LRRC37A2: variants seen among roughly 807,000 people sequenced by gnomAD.
The protein encoded by LRRC37A2 is leucine-rich repeat-containing protein 37A2.
In LRRC37A2, 9 loss-of-function variants were observed where a neutral mutation model predicts 68.8. The observed-to-expected ratio is 0.13, with a 90% CI of 0.08 to 0.23. LRRC37A2 has a LOEUF of 0.23. Among genes scored for constraint, LRRC37A2 ranks in the 10% least tolerant of loss-of-function variants. LRRC37A2 has a pLI of 1.00. For missense variants in LRRC37A2, 168 were observed against 950.4 expected, an observed-to-expected ratio of 0.18 and a Z score of 10.82; for synonymous variants, 63 against 367.6, an observed-to-expected ratio of 0.17 and a Z score of 9.48.
the LRRC37A2 span, chr17:46,833,008 A>C: frequency 3.7e-6 from 1 of 273,056 alleles, no homozygotes; most frequent in Non-Finnish European, 7.2e-6. Flanking sequence ...AGGCCCCTTT[A>C]GGCTGTGCCT....
chr17:46,775,517 G>T, the LRRC37A2 span, among the ~76,000 whole-genome samples: 1 of 151,742 alleles, frequency 6.6e-6, no homozygotes, highest in Non-Finnish European at 1.5e-5. Flanking sequence ...TGAGGAGCCA[G>T]ATCTGGGAGT....
chr17:46,796,412 CT>C, the LRRC37A2 span, among the ~76,000 whole-genome samples: 43 of 152,196 alleles, frequency 2.8e-4, no homozygotes, highest in Non-Finnish European at 5.3e-4. Context: ...ATCATCACCC[CT>C]ATCTCAGTGG....
the LRRC37A2 span, among the ~76,000 whole-genome samples, chr17:46,987,894 G>A: frequency 7.4e-4 from 112 of 152,294 alleles, no homozygotes; most frequent in Non-Finnish European, 1.2e-3. Context: ...CGTTAAGTCC[G>A]GGTGCTGTGG....
At chr17:46,720,243 C>T in the LRRC37A2 span, among the ~76,000 whole-genome samples, 1 of 152,172 alleles carries the variant, frequency 6.6e-6, no homozygotes, top group Non-Finnish European at 1.5e-5. Context: ...CCGGAAGTGA[C>T]TACAGGTCCC....
At chr17:46,994,008 A>C in the LRRC37A2 span, among the ~76,000 whole-genome samples, 4 of 152,212 alleles carry the variant, frequency 2.6e-5, no homozygotes, top group Non-Finnish European at 5.9e-5. Flanking sequence ...TCTAATGTGC[A>C]GCCAGGTTTG....
the LRRC37A2 span, among the ~76,000 whole-genome samples, chr17:46,779,103 A>ACACACACACACACC: frequency 1.4e-3 from 191 of 133,602 alleles, 5 homozygotes; most frequent in East Asian, 0.024. Flanking sequence ...ACACACACAC[A>ACACACACACACACC]CCCCAGCCCA....
the LRRC37A2 span, among the ~76,000 whole-genome samples, chr17:46,912,615 T>C: frequency 5.9e-5 from 9 of 152,190 alleles, no homozygotes; most frequent in Non-Finnish European, 1.5e-5. Flanking sequence ...TCCCCTCTAC[T>C]TGGTGGGTCC....
At chr17:46,899,468 G>A in the LRRC37A2 span, among the ~76,000 whole-genome samples, 4 of 152,108 alleles carry the variant, frequency 2.6e-5, no homozygotes, top group African/African-American at 9.7e-5. Flanking sequence ...CACAGACAAC[G>A]TAAATGAGCC....
At chr17:46,839,689 C>A in the LRRC37A2 span, among the ~76,000 whole-genome samples, 1 of 152,176 alleles carries the variant, frequency 6.6e-6, no homozygotes, top group Admixed American at 6.5e-5. Flanking sequence ...CCCAGTCCCC[C>A]CCGCCAAGAG....
At chr17:46,964,513 C>T in the LRRC37A2 span, 5,440 of 152,546 alleles carry the variant, frequency 0.036, 152 homozygotes, top group Non-Finnish European at 0.057. Context: ...TGGCCTATTG[C>T]TGGGGAGGCC....
At chr17:46,859,640 G>A in the LRRC37A2 span, among the ~76,000 whole-genome samples, 1 of 152,116 alleles carries the variant, frequency 6.6e-6, no homozygotes, top group Non-Finnish European at 1.5e-5. Context: ...TTCTCTAACT[G>A]TGCACTATTT....
At chr17:46,961,044 G>T in the LRRC37A2 span, among the ~76,000 whole-genome samples, 2 of 152,012 alleles carry the variant, frequency 1.3e-5, no homozygotes, top group African/African-American at 4.8e-5. Flanking sequence ...AAAAAACAAG[G>T]TGGGAATAAA....
At chr17:46,503,752 G>T in the LRRC37A2 span, among the ~76,000 whole-genome samples, 3 of 90,528 alleles carry the variant, frequency 3.3e-5, no homozygotes, top group South Asian at 5.3e-4. Flanking sequence ...TTAAGCAGGG[G>T]TAACTTGGGG....
At chr17:46,787,242 A>G in the LRRC37A2 span, among the ~76,000 whole-genome samples, 1 of 151,556 alleles carries the variant, frequency 6.6e-6, no homozygotes, top group African/African-American at 2.4e-5. Context: ...TGCCCAGCCA[A>G]TAAAGACCTG....
the LRRC37A2 span, chr17:46,941,312 T>C: frequency 4.1e-6 from 4 of 985,590 alleles, no homozygotes; most frequent in Non-Finnish European, 4.8e-6. Flanking sequence ...TTACACCCAT[T>C]GTTTTGGAAG....
At chr17:46,887,597 T>C in the LRRC37A2 span, among the ~76,000 whole-genome samples, 1 of 152,144 alleles carries the variant, frequency 6.6e-6, no homozygotes, top group East Asian at 1.9e-4. Flanking sequence ...AAACCCCATC[T>C]CTACTAAATA....
chr17:46,904,730 G>T, the LRRC37A2 span, among the ~76,000 whole-genome samples: 1 of 152,180 alleles, frequency 6.6e-6, no homozygotes, highest in African/African-American at 2.4e-5. Flanking sequence ...GACTGAAGAG[G>T]CATAAAGTTT....
the LRRC37A2 span, among the ~76,000 whole-genome samples, chr17:46,503,436 T>C: frequency 7.0e-6 from 1 of 143,842 alleles, no homozygotes; most frequent in Non-Finnish European, 1.5e-5. Flanking sequence ...TATAAACCAG[T>C]GACAGAGGAA....
At chr17:46,865,586 G>A in the LRRC37A2 span, among the ~76,000 whole-genome samples, 1 of 152,130 alleles carries the variant, frequency 6.6e-6, no homozygotes, top group Admixed American at 6.5e-5. Flanking sequence ...AGGTCTGTGG[G>A]TGGACTGGGC....
Sources: gnomAD v4.1 joint callset for allele counts (sites outside exome capture counted in the v4.1 genomes callset) on GRCh38, gnomAD v4.1.1 for gene constraint, MANE v1.5 for transcripts, NCBI Gene and HGNC (gene_info 2026-07-23, HGNC 2026-07-21) for gene names.